The following PCDH10 variants were observed in gnomAD, a reference collection of about 807,000 sequenced individuals.
The protein encoded by PCDH10 is protocadherin-10.
Under a neutral mutation model 74.4 loss-of-function variants are expected in PCDH10, and 15 were observed. The observed-to-expected ratio is 0.20, with a 90% CI of 0.13 to 0.31. The LOEUF (loss-of-function observed/expected upper bound fraction) is 0.31. Among genes scored for constraint, PCDH10 ranks in the 10% least tolerant of loss-of-function variants. PCDH10 has a pLI of 1.00. For missense variants in PCDH10, 1,260 were observed against 1,390.2 expected, an observed-to-expected ratio of 0.91 and a Z score of 1.49; for synonymous variants, 619 against 589.8, an observed-to-expected ratio of 1.05 and a Z score of -0.72.
At chr4:133,160,397 A>G (rs960718428) in intron 3 of PCDH10, among the ~76,000 whole-genome samples, 2 of 148,164 alleles carry the variant, frequency 1.3e-5, no homozygotes, top group African/African-American at 4.9e-5. Context: ...AACTTTTTCT[A>G]TATCCTCACT....
In PCDH10 at chr4:133,190,375, G is replaced by C. The variant is rs2125873854; in HGVS notation, c.*215G>C. ...AATGTGCAGAACTGTAGAAACTTTAGAGGCAACAGATTTTGCCTCCCCGAT... is the reference window on the plus strand; with the variant it reads ...AATGTGCAGAACTGTAGAAACTTTACAGGCAACAGATTTTGCCTCCCCGAT... On this transcript the variant is annotated 3_prime_UTR_variant, in exon 5 of 5. Transcript: ENST00000264360. The C allele has an allele frequency of 1.7e-6, 1 of 592,322 alleles. No homozygotes were observed. Among genetic ancestry groups the C allele is most frequent in the South Asian group, 2.3e-5 (1 of 43,800 alleles). 36.7% of individuals were successfully genotyped at this position (592,322 alleles called of 1,614,324 possible).
In PCDH10 at chr4:133,151,425, T is replaced by C. The variant is rs1560702799; in HGVS notation, c.1285T>C (p.Tyr429His). Residue 429 changes from tyrosine to histidine, a missense_variant, in exon 1 of 5, where the codon TAC becomes CAC. Coordinates refer to ENST00000264360, the MANE Select transcript of PCDH10 (RefSeq NM_032961.3). ...APLDREAGDS[Y>H]TLTVVARDRG... The stretch of plus-strand genomic sequence containing the variant: ...CCTGGACCGAGAGGCGGGGGACTCC[T>C]ACACCCTGACTGTAGTGGCTCGGGA... 5 of 1,614,072 alleles carry C rather than the reference T, an allele frequency of 3.1e-6. No homozygotes were observed. Among genetic ancestry groups the C allele is most frequent in the Non-Finnish European group, 4.2e-6 (5 of 1,180,012 alleles).
chr4:133,176,848 A>T (rs889496464), intron 4 of PCDH10, among the ~76,000 whole-genome samples: 2 of 152,158 alleles, frequency 1.3e-5, no homozygotes, highest in African/African-American at 4.8e-5. Flanking sequence ...ATACTTGGTT[A>T]TATACAACAG....
rs984086057 is a variant in PCDH10 at position 133,194,344 on chromosome 4, T to A, written c.*4184T>A. On this transcript the variant is annotated 3_prime_UTR_variant, in exon 5 of 5. Transcript: ENST00000264360. ...CTAAATTTCACATGAGACTCAAAAATTTCTGAATGATGGAACTCAGACTTC... is the reference window on the plus strand; with the variant it reads ...CTAAATTTCACATGAGACTCAAAAAATTCTGAATGATGGAACTCAGACTTC... The A allele has an allele frequency of 6.6e-6, 1 of 151,854 alleles. No homozygotes were observed. Among genetic ancestry groups the A allele is most frequent in the Non-Finnish European group, 1.5e-5 (1 of 67,836 alleles). 9.4% of individuals were successfully genotyped at this position (151,854 alleles called of 1,614,324 possible). A position where few individuals can be genotyped will look rare whatever the true frequency, so the allele number is the denominator to read the frequency against.
At chr4:133,205,519 G>A (rs1053764298) in intron 2 of PCDH10, among the ~76,000 whole-genome samples, 5 of 152,118 alleles carry the variant, frequency 3.3e-5, no homozygotes, top group Non-Finnish European at 5.9e-5. Flanking sequence ...CCATGTTGCA[G>A]TCACTTTGTG....
Position 133,151,983 on chromosome 4 carries a change from C to A in PCDH10, c.1843C>A (p.Arg615=), listed in dbSNP as rs755124220. Residue 615 remains arginine (R), a synonymous_variant, in exon 1 of 5, where the codon CGG becomes AGG. Transcript: ENST00000264360. Reference sequence around the variant, plus strand: ...GGACGCGGACGACGGCGAGAACGCCCGGCTCACTTACAGCATCGTGCGTGG... The same window carrying A: ...GGACGCGGACGACGGCGAGAACGCCAGGCTCACTTACAGCATCGTGCGTGG... ...AVDADDGENA[R]LTYSIVRGNE... is the part of the protein sequence containing the mutation. 13 of 1,612,540 alleles carry A rather than the reference C, an allele frequency of 8.1e-6. No homozygotes were observed. Among genetic ancestry groups the A allele is most frequent in the Non-Finnish European group, 9.3e-6 (11 of 1,179,802 alleles).
chr4:133,177,286 T>G (rs984393916), intron 4 of PCDH10, among the ~76,000 whole-genome samples: 3 of 152,156 alleles, frequency 2.0e-5, no homozygotes, highest in African/African-American at 7.2e-5. Flanking sequence ...ACTAAAATCT[T>G]ATTATCTAAT....
Position 133,150,802 on chromosome 4 carries a change from G to C in PCDH10, c.662G>C (p.Gly221Ala), listed in dbSNP as rs770859228. 3.8e-6 allele frequency: 6 copies of C among 1,580,684 alleles called. No homozygotes were observed. Among genetic ancestry groups the C allele is most frequent in the Middle Eastern group, 1.7e-4 (1 of 5,924 alleles). ...GVGEGGGGGG[G>A]AGLPPQQQRT... ...GGAGAAGGAGGGGGAGGTGGCGGGG[G>C]AGCAGGCCTGCCCCCCCAGCAGCAG... The change falls in exon 1 of 5, where the codon GGA becomes GCA. Residue 221 changes from glycine (G) to alanine (A), a missense_variant. Gly to Ala is a moderately conservative substitution (Grantham distance 60). Around this residue, in one of 11 missense-constraint regions of PCDH10, gnomAD observed 192 missense variants for 161.2 expected, o/e 1.19. Transcript: ENST00000264360.
Position 133,192,180 on chromosome 4 carries a change from G to A in PCDH10, c.*2020G>A, listed in dbSNP as rs992466068. 2.0e-5 allele frequency: 3 copies of A among 151,456 alleles called. No homozygotes were observed. Among genetic ancestry groups the A allele is most frequent in the South Asian group, 2.1e-4 (1 of 4,810 alleles). The allele number at this position is 151,456 out of a possible 1,614,324, so 9.4% of individuals were successfully genotyped here. On this transcript the variant is annotated 3_prime_UTR_variant, in exon 5 of 5. Transcript: ENST00000264360. ...TAACAGATCATATGTAATACAAAAA[G>A]CACATAAATTCACTAAGTGCAGCAG...
chr4:133,196,816 T>C (rs569909814), downstream of PCDH10, among the ~76,000 whole-genome samples: 1 of 152,226 alleles, frequency 6.6e-6, no homozygotes, highest in Non-Finnish European at 1.5e-5. Flanking sequence ...GCAATAATTT[T>C]CTCAGTTAAA....
intron 4 of PCDH10, among the ~76,000 whole-genome samples, chr4:133,174,278 A>G (rs1727251694): frequency 1.3e-5 from 2 of 151,986 alleles, no homozygotes; most frequent in Admixed American, 1.3e-4. Context: ...CAGATCTTAT[A>G]TGCCATATAT....
intron 4 of PCDH10, among the ~76,000 whole-genome samples, chr4:133,177,234 A>G (rs1319134329): frequency 6.6e-6 from 1 of 152,144 alleles, no homozygotes; most frequent in Non-Finnish European, 1.5e-5. Flanking sequence ...CAATATTTGA[A>G]CACATAAAAG....
intron 4 of PCDH10, among the ~76,000 whole-genome samples, chr4:133,165,974 T>C (rs1440913672): frequency 6.6e-6 from 1 of 151,704 alleles, no homozygotes; most frequent in Non-Finnish European, 1.5e-5. Context: ...TTTATTTTAA[T>C]GTATTAACAA....
At position 133,190,208 on chromosome 4, in the gene PCDH10, A is replaced by T; in HGVS notation, c.*48A>T. 2.6e-6 allele frequency: 4 copies of T among 1,561,752 alleles called. No individual in the cohort carries two copies. Among genetic ancestry groups the T allele is most frequent in the Non-Finnish European group, 2.6e-6 (3 of 1,132,506 alleles). ...AAGCAGCATGATTTGCACAAAGTCGACCAACAAAAGCATCAACTTTTCAAC... is the reference window on the plus strand; with the variant it reads ...AAGCAGCATGATTTGCACAAAGTCGTCCAACAAAAGCATCAACTTTTCAAC... On this transcript the variant is annotated 3_prime_UTR_variant, in exon 5 of 5. Transcript: ENST00000264360.
intron 4 of PCDH10, among the ~76,000 whole-genome samples, chr4:133,187,807 T>C (rs1727574186): frequency 6.6e-6 from 1 of 152,152 alleles, no homozygotes; most frequent in Admixed American, 6.5e-5. Context: ...TAATTTCTTT[T>C]ATTAAAAAGA....
At position 133,190,672 on chromosome 4, in the gene PCDH10, A is replaced by C. The variant is rs2125873985; in HGVS notation, c.*512A>C. The C allele has an allele frequency of 6.6e-6, 1 of 152,658 alleles. No homozygotes were observed. The highest frequency in any genetic ancestry group is 1.5e-5 in the Non-Finnish European group (1 of 68,140). 9.5% of individuals were successfully genotyped at this position (152,658 alleles called of 1,614,324 possible). On this transcript the variant is annotated 3_prime_UTR_variant, in exon 5 of 5. Transcript: ENST00000264360. The stretch of plus-strand genomic sequence containing the variant: ...AAATGTTGTATTCTGAAGACCCACA[A>C]AATATCAAAGACATTCTGTAGTTTA...
chr4:133,189,460 G>A (rs1727612451), intron 4 of PCDH10, among the ~76,000 whole-genome samples: 1 of 151,916 alleles, frequency 6.6e-6, no homozygotes, highest in Non-Finnish European at 1.5e-5. Flanking sequence ...ATTCTGCTTT[G>A]TAATTTAATA....
At chr4:133,201,853 T>G (rs1249078702) in intron 2 of PCDH10, among the ~76,000 whole-genome samples, 4 of 54,698 alleles carry the variant, frequency 7.3e-5, no homozygotes, top group Non-Finnish European at 1.2e-4. Flanking sequence ...TGAAACTCCA[T>G]CTCAAAAAAA....
In PCDH10 at chr4:133,184,297, A is replaced by G. The variant is rs151050681; in HGVS notation, c.3104-5844A>G. 2.8e-4 allele frequency among the ~76,000 whole-genome samples: 42 copies of G among 152,238 alleles called. No homozygotes were observed. In the East Asian group the frequency reaches 7.3e-3, roughly 27 times the overall value. ...GAAAGGAAAAAAGCAAATTTAGTCT[A>G]GGAGAGTATGAACCTTATGAATTAA... is the stretch of plus-strand genomic sequence containing the variant. On this transcript the variant is annotated intron_variant, in intron 4 of 4. Coordinates refer to ENST00000264360, the MANE Select transcript of PCDH10 (RefSeq NM_032961.3).
Sources: gnomAD v4.1 joint callset for allele counts (sites outside exome capture counted in the v4.1 genomes callset) on GRCh38, gnomAD v4.1.1 for gene constraint, gnomAD v4.1.1 regional missense constraint, MANE v1.5 for transcripts, NCBI Gene and HGNC (gene_info 2026-07-23, HGNC 2026-07-21) for gene names.